AGPS: variants seen among roughly 807,000 people sequenced by gnomAD.
AGPS encodes the protein alkyldihydroxyacetonephosphate synthase, peroxisomal.
AGPS carries 26 observed loss-of-function variants against 90.7 expected under a neutral mutation model. The observed-to-expected ratio is 0.29, with a 90% CI of 0.21 to 0.40. The LOEUF (loss-of-function observed/expected upper bound fraction) is 0.40, where lower values mean the gene tolerates loss of function less well. Ranked by LOEUF, AGPS falls within the 10% of genes least tolerant of loss-of-function variation. The pLI, the probability that AGPS is intolerant of heterozygous loss-of-function variation, is 1.00. For missense variants in AGPS, 540 were observed against 816.1 expected (o/e 0.66, Z 4.12); for synonymous variants, 294 against 285.3 (o/e 1.03, Z -0.31).
At chr2:177,453,780 C>T (rs907656151) in intron 8 of AGPS, among the ~76,000 whole-genome samples, 3 of 144,320 alleles carry the variant, frequency 2.1e-5, no homozygotes, top group East Asian at 2.1e-4. Context: ...CTCTGCCTCC[C>T]GGGTTCAAGT....
At chr2:177,465,748 C>T (rs751353272) in intron 9 of AGPS, among the ~76,000 whole-genome samples, 10 of 152,204 alleles carry the variant, frequency 6.6e-5, no homozygotes, top group African/African-American at 2.2e-4. Flanking sequence ...ACTGCAGAGC[C>T]CCAAAGAGTG....
Position 177,540,054 on chromosome 2 carries a change from T to C in AGPS, c.*1859T>C, listed in dbSNP as rs943886781. ...AAGTATATATATATATATATATATATGTATGCATGTGTGTGTGTGTATATA... is the reference window on the plus strand; with the variant it reads ...AAGTATATATATATATATATATATACGTATGCATGTGTGTGTGTGTATATA... On this transcript the variant is annotated 3_prime_UTR_variant, in exon 20 of 20. Transcript: ENST00000264167. The C allele has an allele frequency of 2.3e-5, 2 of 85,542 alleles. No homozygotes were observed. Among genetic ancestry groups the C allele is most frequent in the African/African-American group, 7.9e-5 (2 of 25,450 alleles). The allele number at this position is 85,542 out of a possible 1,614,324, so 5.3% of individuals were successfully genotyped here.
At chr2:177,504,829 G>A (rs1446959256) in intron 14 of AGPS, among the ~76,000 whole-genome samples, 1 of 152,004 alleles carries the variant, frequency 6.6e-6, no homozygotes, top group African/African-American at 2.4e-5. Flanking sequence ...TTCATTCATT[G>A]TCTTTTAAAA....
In AGPS at chr2:177,434,997, G is replaced by GTATATATATATATA. The variant is rs1553509324; in HGVS notation, c.441+594_441+607dup. 2.7e-3 allele frequency among the ~76,000 whole-genome samples: 351 copies of GTATATATATATATA among 128,052 alleles called. 4 individuals are homozygous for GTATATATATATATA. Among genetic ancestry groups the GTATATATATATATA allele is most frequent in the Middle Eastern group, 9.9e-3 (2 of 202 alleles). The allele number at this position is 128,052 out of a possible 152,430, so 84.0% of individuals were successfully genotyped here. A position where few individuals can be genotyped will look rare whatever the true frequency, so the allele number is the denominator to read the frequency against. ...GGGATTAGGAAACTTTAAACTGTAG[G>GTATATATATATATA]TATATATATATATATATATATATAT... On this transcript the variant is annotated intron_variant, in intron 3 of 19. Transcript: ENST00000264167.
intron 15 of AGPS, among the ~76,000 whole-genome samples, chr2:177,506,394 G>A (rs1452568040): frequency 3.3e-5 from 5 of 151,478 alleles, no homozygotes; most frequent in Non-Finnish European, 4.4e-5. Context: ...TTCAGGGTAC[G>A]TATGATATTT....
At chr2:177,401,065 A>G (rs1256126230) in intron 1 of AGPS, among the ~76,000 whole-genome samples, 1 of 152,202 alleles carries the variant, frequency 6.6e-6, no homozygotes, top group Non-Finnish European at 1.5e-5. Flanking sequence ...GCTTTCTGTG[A>G]TAGAAATATT....
chr2:177,424,861 G>A (rs1686033685), intron 2 of AGPS, among the ~76,000 whole-genome samples: 2 of 151,994 alleles, frequency 1.3e-5, no homozygotes, highest in Admixed American at 1.3e-4. Flanking sequence ...CATGTTTGTT[G>A]GCTGCATGAA....
chr2:177,476,089 G>C (rs1687774975), intron 10 of AGPS, among the ~76,000 whole-genome samples: 1 of 151,622 alleles, frequency 6.6e-6, no homozygotes, highest in Non-Finnish European at 1.5e-5. Flanking sequence ...TTTAGCTAAA[G>C]ATTTGTTAAT....
Position 177,523,811 on chromosome 2 carries a change from C to CT in AGPS, c.1855+12dup. 1 of 1,610,288 alleles carries CT rather than the reference C, an allele frequency of 6.2e-7. No individual in the cohort carries two copies. Among genetic ancestry groups the CT allele is most frequent in the African/African-American group, 1.3e-5 (1 of 74,922 alleles). ...CCTGTCACATCACCATGGAGGTATT[C>CT]TTTTTTGGGAGTAGAATTTCTAATA... On this transcript the variant is annotated splice_region_variant and intron_variant, in intron 19 of 19. Coordinates refer to ENST00000264167, the MANE Select transcript of AGPS (RefSeq NM_003659.4).
intron 10 of AGPS, among the ~76,000 whole-genome samples, chr2:177,481,522 A>G (rs1476515609): frequency 6.6e-6 from 1 of 151,752 alleles, no homozygotes; most frequent in Non-Finnish European, 1.5e-5. Context: ...TTTGTTTCTT[A>G]AAAGGGCATC....
At chr2:177,535,703 T>C (rs908576095) in intron 19 of AGPS, among the ~76,000 whole-genome samples, 1 of 152,168 alleles carries the variant, frequency 6.6e-6, no homozygotes, top group Non-Finnish European at 1.5e-5. Context: ...TGTATATGTA[T>C]CCTGTGAAGT....
intron 19 of AGPS, among the ~76,000 whole-genome samples, chr2:177,529,883 A>C (rs181280196): frequency 4.1e-4 from 62 of 152,316 alleles, no homozygotes; most frequent in African/African-American, 1.5e-3. Flanking sequence ...TCTCTGACTT[A>C]CACTTTCCTC....
chr2:177,436,697 T>C lies in AGPS; in HGVS notation c.442-67T>C, dbSNP rs1475547639. Reference sequence around the variant, plus strand: ...AAAAGTCTACATTTTATAGTCATTCTCTCTAACTGAAGTACCCAAAATTCG... The same window carrying C: ...AAAAGTCTACATTTTATAGTCATTCCCTCTAACTGAAGTACCCAAAATTCG... On this transcript the variant is annotated intron_variant, in intron 3 of 19. Transcript: ENST00000264167. 26 of 1,488,614 alleles carry C rather than the reference T, an allele frequency of 1.7e-5. No homozygotes were observed. The East Asian group carries it at 5.4e-4, about 31-fold the overall frequency. The allele number at this position is 1,488,614 out of a possible 1,614,324, so 92.2% of individuals were successfully genotyped here. A position where few individuals can be genotyped will look rare whatever the true frequency, so the allele number is the denominator to read the frequency against.
intron 8 of AGPS, among the ~76,000 whole-genome samples, chr2:177,460,081 C>T (rs1687246337): frequency 6.6e-6 from 1 of 152,112 alleles, no homozygotes; most frequent in Admixed American, 6.5e-5. Flanking sequence ...AACAAAACAC[C>T]ACATGTTCTC....
At chr2:177,490,116 T>C (rs1574004686) in intron 11 of AGPS, among the ~76,000 whole-genome samples, 1 of 152,294 alleles carries the variant, frequency 6.6e-6, no homozygotes, top group East Asian at 1.9e-4. Context: ...ACTGTACATA[T>C]AGTAACTCAA....
intron 8 of AGPS, among the ~76,000 whole-genome samples, chr2:177,454,524 C>A (rs186000224): frequency 1.3e-5 from 2 of 151,378 alleles, no homozygotes; most frequent in African/African-American, 4.8e-5. Context: ...TGATTATTCA[C>A]CCCATAATGA....
intron 3 of AGPS, among the ~76,000 whole-genome samples, chr2:177,436,318 A>G (rs1686411410): frequency 6.6e-6 from 1 of 151,436 alleles, no homozygotes; most frequent in African/African-American, 2.4e-5. Context: ...CGCCCGGCTA[A>G]TTTTTGTATT....
Position 177,392,946 on chromosome 2 carries a change from C to G in AGPS, c.157C>G (p.Leu53Val). 2 of 1,550,112 alleles carry G rather than the reference C, an allele frequency of 1.3e-6. No individual in the cohort carries two copies. Among genetic ancestry groups the G allele is most frequent in the Non-Finnish European group, 1.7e-6 (2 of 1,146,722 alleles). The change falls in exon 1 of 20, where the codon CTG becomes GTG. Residue 53 changes from leucine (L) to valine (V), a missense_variant. By Grantham distance (32) the Leu-to-Val change is conservative (BLOSUM62 1). Around this residue, in one of 2 missense-constraint regions of AGPS, gnomAD observed 135 missense variants for 124.0 expected, o/e 1.09. Coordinates refer to ENST00000264167, the MANE Select transcript of AGPS (RefSeq NM_003659.4). ...GHLLGRPREA[L>V]STNECKARRA... ...TCTGCTGGGCCGGCCCCGGGAGGCT[C>G]TGAGTACCAATGAGTGCAAAGCGCG...
rs115042222 is a variant in AGPS, at chr2:177,418,829, T to A, written c.261-1440T>A. Reference sequence around the variant, plus strand: ...AAAAAAGTAAAATCTTAAGAAAATGTGTGTGTCACTGGTAACATTAGTCGT... The same window carrying A: ...AAAAAAGTAAAATCTTAAGAAAATGAGTGTGTCACTGGTAACATTAGTCGT... On this transcript the variant is annotated intron_variant, in intron 1 of 19. Coordinates refer to ENST00000264167, the MANE Select transcript of AGPS (RefSeq NM_003659.4). Among the ~76,000 whole-genome samples the A allele has an allele frequency of 6.8e-3, 1,030 of 151,746 alleles. 11 individuals carry two copies. The highest frequency in any genetic ancestry group is 0.024 in the African/African-American group (978 of 41,468).
Sources: gnomAD v4.1 joint callset for allele counts (sites outside exome capture counted in the v4.1 genomes callset) on GRCh38, gnomAD v4.1.1 for gene constraint, gnomAD v4.1.1 regional missense constraint, MANE v1.5 for transcripts, NCBI Gene and HGNC (gene_info 2026-07-23, HGNC 2026-07-21) for gene names.